FMN2: variants seen among roughly 807,000 people sequenced by gnomAD.
FMN2 encodes formin 2.
In FMN2, 51 loss-of-function variants were observed where a neutral mutation model predicts 142.3. The ratio of observed to expected loss-of-function variants is 0.36; its 90% confidence interval spans 0.29 to 0.45. The LOEUF (loss-of-function observed/expected upper bound fraction) is 0.45, where lower values mean the gene tolerates loss of function less well. FMN2 is among the 20% of genes least tolerant of loss of function. The probability of loss-of-function intolerance (pLI) is 1.00; values close to 1 mark genes in which losing one functional copy is unlikely to be tolerated. For missense variants in FMN2, 1,936 were observed against 2,122.8 expected (o/e 0.91, Z 1.73); for synonymous variants, 882 against 869.8 (o/e 1.01, Z -0.25).
intron 15 of FMN2, among the ~76,000 whole-genome samples, chr1:240,429,933 T>C (rs555835282): frequency 1.3e-5 from 2 of 151,226 alleles, no homozygotes; most frequent in East Asian, 3.9e-4. Context: ...CCGCCCAGGC[T>C]GGAGTGCAGT....
chr1:240,434,762 C>G (rs1341368509), intron 15 of FMN2, among the ~76,000 whole-genome samples: 1 of 145,302 alleles, frequency 6.9e-6, no homozygotes, highest in Non-Finnish European at 1.5e-5. Context: ...TTAGTAGAGA[C>G]GGGGTTTCAC....
intron 6 of FMN2, among the ~76,000 whole-genome samples, chr1:240,233,693 T>G (rs574952370): frequency 6.6e-6 from 1 of 152,326 alleles, no homozygotes; most frequent in Non-Finnish European, 1.5e-5. Flanking sequence ...CTTCATTAAT[T>G]AATTAGTAGG....
At chr1:240,339,601 A>G (rs923041793) in intron 13 of FMN2, among the ~76,000 whole-genome samples, 1 of 152,162 alleles carries the variant, frequency 6.6e-6, no homozygotes, top group Non-Finnish European at 1.5e-5. Flanking sequence ...ATATTTTAAA[A>G]TTAATATCTG....
intron 15 of FMN2, among the ~76,000 whole-genome samples, chr1:240,410,627 G>C (rs1674358834): frequency 1.3e-5 from 2 of 152,008 alleles, no homozygotes; most frequent in South Asian, 4.2e-4. Context: ...AAATTTTTTG[G>C]GATTTAGAAA....
intron 8 of FMN2, among the ~76,000 whole-genome samples, chr1:240,321,918 A>T (rs994042429): frequency 6.6e-6 from 1 of 152,188 alleles, no homozygotes; most frequent in African/African-American, 2.4e-5. Flanking sequence ...TAATATGGTA[A>T]ATATCAGTAG....
At chr1:240,390,270 G>T (rs752742463) in intron 14 of FMN2, among the ~76,000 whole-genome samples, 8 of 152,172 alleles carry the variant, frequency 5.3e-5, no homozygotes, top group Non-Finnish European at 4.4e-5. Flanking sequence ...CATTTTAAGA[G>T]ATTTTTTTCT....
intron 2 of FMN2, among the ~76,000 whole-genome samples, chr1:240,146,989 AC>A (rs1301973090): frequency 1.3e-5 from 2 of 152,116 alleles, no homozygotes; most frequent in East Asian, 3.9e-4. Context: ...GGGCAATTAG[AC>A]CCCGTGGTGA....
chr1:240,232,124 C>T (rs1388538430), intron 6 of FMN2, among the ~76,000 whole-genome samples: 1 of 151,934 alleles, frequency 6.6e-6, no homozygotes, highest in Non-Finnish European at 1.5e-5. Context: ...GGCTGGAGTG[C>T]AATGATGCGA....
intron 13 of FMN2, among the ~76,000 whole-genome samples, chr1:240,345,405 T>A (rs1381282652): frequency 6.6e-6 from 1 of 152,164 alleles, no homozygotes; most frequent in African/African-American, 2.4e-5. Context: ...GTGAGAACGC[T>A]TTTACACTGA....
In FMN2 at chr1:240,322,482, G is replaced by C. The variant is rs560422292; in HGVS notation, c.4216-6594G>C. 3.0e-4 allele frequency among the ~76,000 whole-genome samples: 45 copies of C among 152,274 alleles called. No individual in the cohort carries two copies. In the South Asian group the frequency reaches 8.9e-3, roughly 30 times the overall value. On this transcript the variant is annotated intron_variant, in intron 8 of 17. Transcript: ENST00000319653. ...AACACTCAGGCTTTGCTACGACAGAGAGAGGATTTAGAGACGAGAAACAGA... is the reference window on the plus strand; with the variant it reads ...AACACTCAGGCTTTGCTACGACAGACAGAGGATTTAGAGACGAGAAACAGA...
intron 3 of FMN2, among the ~76,000 whole-genome samples, chr1:240,187,550 C>A (rs1665531577): frequency 6.6e-6 from 1 of 152,080 alleles, no homozygotes; most frequent in South Asian, 2.1e-4. Flanking sequence ...TATTTTTATC[C>A]TAAAGGCCCT....
chr1:240,375,628 C>T (rs538461520), intron 14 of FMN2, among the ~76,000 whole-genome samples: 1 of 152,282 alleles, frequency 6.6e-6, no homozygotes, highest in South Asian at 2.1e-4. Flanking sequence ...CATGAAACTT[C>T]AGAGGCATTC....
intron 15 of FMN2, among the ~76,000 whole-genome samples, chr1:240,427,767 A>G (rs1050447892): frequency 6.6e-6 from 1 of 152,174 alleles, no homozygotes; most frequent in African/African-American, 2.4e-5. Context: ...AGTTAGCTCT[A>G]GATACTCGAT....
At chr1:240,172,919 G>A (rs1056442268) in intron 2 of FMN2, among the ~76,000 whole-genome samples, 2 of 133,676 alleles carry the variant, frequency 1.5e-5, no homozygotes, top group African/African-American at 3.1e-5. Context: ...GCAGCCAGTG[G>A]CCCTTTTTTT....
At chr1:240,427,246 C>T (rs1674981944) in intron 15 of FMN2, among the ~76,000 whole-genome samples, 1 of 150,720 alleles carries the variant, frequency 6.6e-6, no homozygotes, top group South Asian at 2.1e-4. Context: ...TCGCCTGTCT[C>T]CCAGGCTGGA....
chr1:240,265,501 A>G (rs1456663), intron 7 of FMN2, among the ~76,000 whole-genome samples: 98,679 of 151,466 alleles, frequency 0.65, 32,414 homozygotes, highest in East Asian at 0.84. Context: ...GATATGTTTC[A>G]ATACACAAAT....
At chr1:240,184,935 C>CCCTCCTATACCTTCCCCTTCTCTTTCTG (rs1558344802) in intron 3 of FMN2, among the ~76,000 whole-genome samples, 5 of 148,040 alleles carry the variant, frequency 3.4e-5, no homozygotes, top group African/African-American at 1.2e-4. Context: ...TTTACTTTCT[C>CCCTCCTATACCTTCCCCTTCTCTTTCTG]CCTCCTATAC....
intron 6 of FMN2, among the ~76,000 whole-genome samples, chr1:240,220,873 C>A (rs146532466): frequency 1.1e-3 from 162 of 152,208 alleles, no homozygotes; most frequent in Admixed American, 4.7e-3. Flanking sequence ...TCCAGCCCCC[C>A]CACCCCACGA....
chr1:240,377,119 G>A lies in FMN2; in HGVS notation c.4859-15392G>A, dbSNP rs1673074260. On this transcript the variant is annotated intron_variant, in intron 14 of 17. Transcript: ENST00000319653. ...TTCATCCTCATAATTAGCATTTCCA[G>A]TTTATTTCACTCATTTGCATAGATC... Among the ~76,000 whole-genome samples the A allele has an allele frequency of 2.0e-5, 3 of 152,196 alleles. No homozygotes were observed. In the South Asian group the frequency reaches 6.2e-4, roughly 32 times the overall value.
Sources: allele counts gnomAD v4.1 joint callset (sites outside exome capture counted in the v4.1 genomes callset), GRCh38; gene constraint gnomAD v4.1.1; transcripts MANE v1.5; gene names NCBI Gene and HGNC (gene_info 2026-07-23, HGNC 2026-07-21).